Variants in DNAH8 observed in about 807,000 individuals in gnomAD.
DNAH8 encodes dynein axonemal heavy chain 8, also known as axonemal beta dynein heavy chain 8.
A neutral mutation model predicts 562.1 loss-of-function variants in DNAH8; 382 were observed. That is an observed-to-expected ratio of 0.68 (90% confidence interval 0.63 to 0.74). The LOEUF (loss-of-function observed/expected upper bound fraction) is 0.74, where lower values mean the gene tolerates loss of function less well. Ranked by LOEUF, DNAH8 falls within the 30% of genes least tolerant of loss-of-function variation. The pLI, the probability that DNAH8 is intolerant of heterozygous loss-of-function variation, is 0.00. For missense variants in DNAH8, 5,203 were observed against 5,620.4 expected, an observed-to-expected ratio of 0.93 and a Z score of 2.37; for synonymous variants, 1,881 against 1,919.4, an observed-to-expected ratio of 0.98 and a Z score of 0.52.
intron 7 of DNAH8, among the ~76,000 whole-genome samples, chr6:38,740,448 C>T (rs1764433773): frequency 6.6e-6 from 1 of 152,104 alleles, no homozygotes; most frequent in Admixed American, 6.6e-5. Context: ...TATCTTATCA[C>T]TGTTTTTCTT....
chr6:38,946,903 C>G (rs1481803465), intron 80 of DNAH8, among the ~76,000 whole-genome samples: 1 of 152,102 alleles, frequency 6.6e-6, no homozygotes, highest in Non-Finnish European at 1.5e-5. Flanking sequence ...ACTTGAAGCC[C>G]ACGCCCTCTA....
chr6:38,934,024 T>A (rs1239685001), intron 76 of DNAH8, among the ~76,000 whole-genome samples: 1 of 152,136 alleles, frequency 6.6e-6, no homozygotes, highest in Non-Finnish European at 1.5e-5. Flanking sequence ...AAACCGTAGT[T>A]GGAGGGAAAT....
At chr6:38,857,411 G>A (rs1306320786) in intron 41 of DNAH8, 107 bp from the exon 42 acceptor site, 1 of 688,974 alleles carries the variant, frequency 1.5e-6, no homozygotes, top group Non-Finnish European at 2.5e-6. Flanking sequence ...AGAAATGCAA[G>A]TCAATCTCAT....
chr6:38,782,627 C>T (rs189736752), intron 16 of DNAH8, among the ~76,000 whole-genome samples: 2 of 152,100 alleles, frequency 1.3e-5, no homozygotes, highest in Admixed American at 6.5e-5. Context: ...CCTTTTTTTG[C>T]GTGCTGGAAT....
Position 38,786,933 on chromosome 6 carries a change from C to T in DNAH8, c.2564C>T (p.Ala855Val), listed in dbSNP as rs1203413148. Residue 855 changes from alanine (A) to valine (V), a missense_variant, in exon 18 of 93, where the codon GCA becomes GTA. Physicochemically the swap from Ala to Val is moderately conservative, Grantham distance 64 (BLOSUM62 0). This residue lies in a region of DNAH8 where 2,176 missense variants were observed against 2,365.1 expected (regional missense o/e 0.92). Coordinates refer to ENST00000327475, the MANE Select transcript of DNAH8 (RefSeq NM_001206927.2). The part of the protein sequence containing the change: ...RLLKLESKLK[A>V]DKLYLQGLLQ... ...CTAAAATTGGAAAGTAAATTGAAAG[C>T]AGACAAACTGTATTTGCAGGTAAGA... 10 of 1,606,934 alleles carry T rather than the reference C, an allele frequency of 6.2e-6. No homozygotes were observed. Among genetic ancestry groups the T allele is most frequent in the Non-Finnish European group, 8.5e-6 (10 of 1,177,220 alleles).
At chr6:39,003,907 C>T (rs561935610) in intron 88 of DNAH8, among the ~76,000 whole-genome samples, 29 of 152,084 alleles carry the variant, frequency 1.9e-4, no homozygotes, top group Middle Eastern at 6.8e-3. Flanking sequence ...CTTTTTTACG[C>T]CACTCTTTCT....
rs1165179325 is a variant in DNAH8 at position 38,853,300 on chromosome 6, G to A, written c.5686G>A (p.Asp1896Asn). ...IIRSAFYQIS[D>N]SGFQLLPFLS... ...TAGATCCGCTTTCTATCAAATCAGT[G>A]ATTCAGGATTTCAACTCTTACCATT... The change falls in exon 41 of 93, where the codon GAT becomes AAT. Residue 1896 changes from aspartate to asparagine, a missense_variant. This residue lies in a region of DNAH8 where 2,176 missense variants were observed against 2,365.1 expected (regional missense o/e 0.92). Transcript: ENST00000327475. The A allele has an allele frequency of 5.6e-6, 9 of 1,613,398 alleles. No individual in the cohort carries two copies. The highest frequency in any genetic ancestry group is 1.7e-4 in the Middle Eastern group (1 of 6,058).
intron 82 of DNAH8, among the ~76,000 whole-genome samples, chr6:38,965,298 A>G (rs544139353): frequency 4.2e-4 from 64 of 152,206 alleles, no homozygotes; most frequent in Non-Finnish European, 7.2e-4. Context: ...AAAGACTATA[A>G]ATAGCCTCAC....
At chr6:38,913,314 C>T (rs888051846) in intron 66 of DNAH8, among the ~76,000 whole-genome samples, 3 of 152,216 alleles carry the variant, frequency 2.0e-5, no homozygotes, top group Admixed American at 6.5e-5. Context: ...CAACATCCCA[C>T]TACCTAGAAC....
chr6:38,898,183 G>T, intron 60 of DNAH8, 75 bp from the exon 61 acceptor site: 1 of 1,293,750 alleles, frequency 7.7e-7, no homozygotes, highest in Non-Finnish European at 1.1e-6. Flanking sequence ...TTACTTTTGA[G>T]TGTCTTTACA....
At chr6:38,804,689 G>A (rs1192534012) in intron 22 of DNAH8, among the ~76,000 whole-genome samples, 1 of 151,864 alleles carries the variant, frequency 6.6e-6, no homozygotes, top group East Asian at 1.9e-4. Context: ...GGGAATCTGT[G>A]GGAAGCTGGC....
In DNAH8 at chr6:38,729,903, T is replaced by C; in HGVS notation, c.527T>C (p.Leu176Pro). The C allele has an allele frequency of 2.6e-6, 4 of 1,537,268 alleles. No homozygotes were observed. The highest frequency in any genetic ancestry group is 3.6e-6 in the Non-Finnish European group (4 of 1,118,616). ...VEELILDCPS[L>P]EAFTNFFAKD... is the part of the protein sequence containing the mutation. Reference sequence around the variant, plus strand: ...ATCATTTTCTCTTTTATTTAACAGCTGGAAGCATTTACTAATTTTTTTGCG... The same window carrying C: ...ATCATTTTCTCTTTTATTTAACAGCCGGAAGCATTTACTAATTTTTTTGCG... Residue 176 changes from leucine to proline, a missense_variant and splice_region_variant, in exon 4 of 93, where the codon CTG becomes CCG. Leu to Pro is a moderately conservative substitution (Grantham distance 98, BLOSUM62 -3). This residue lies in a region of DNAH8 where 556 missense variants were observed against 496.9 expected (regional missense o/e 1.12). Coordinates refer to ENST00000327475, the MANE Select transcript of DNAH8 (RefSeq NM_001206927.2).
intron 10 of DNAH8, among the ~76,000 whole-genome samples, chr6:38,758,741 G>T (rs144593682): frequency 0.03 from 4,603 of 152,150 alleles, 222 homozygotes; most frequent in African/African-American, 0.1. Flanking sequence ...ATCATGAAGG[G>T]TTGTTGAATT....
At chr6:38,833,838 A>G (rs1452222197) in intron 31 of DNAH8, among the ~76,000 whole-genome samples, 1 of 152,170 alleles carries the variant, frequency 6.6e-6, no homozygotes, top group Non-Finnish European at 1.5e-5. Context: ...TTTAAACACT[A>G]TTATATTGGG....
In DNAH8 at chr6:38,913,944, G is replaced by A; in HGVS notation, c.9955G>A (p.Ala3319Thr). ...EKELAVASIK[A>T]DEVLAEVTVS... ...GGAGTTGGCAGTGGCTTCCATAAAA[G>A]CAGACGAAGTGAGTTTGCATTTATT... The change falls in exon 67 of 93, where the codon GCA becomes ACA. Residue 3319 changes from alanine (A) to threonine (T), a missense_variant. This residue lies in a region of DNAH8 where 977 missense variants were observed against 1,061.8 expected (regional missense o/e 0.92). Transcript: ENST00000327475. 1 of 1,611,104 alleles carries A rather than the reference G, an allele frequency of 6.2e-7. No homozygotes were observed. The highest frequency in any genetic ancestry group is 8.5e-7 in the Non-Finnish European group (1 of 1,177,640).
Position 38,872,723 on chromosome 6 carries a change from A to G in DNAH8, c.7178A>G (p.Asn2393Ser), listed in dbSNP as rs775481465. ...TTTGGCAGACTGGACACTGCTACCA[A>G]TGACTGGACAGATGGGATTTTTTCT... ...QMFGRLDTATNDWTDGIFSTL... is the reference protein window; with the variant it reads ...QMFGRLDTATSDWTDGIFSTL... The change falls in exon 50 of 93, where the codon AAT becomes AGT. Residue 2393 changes from asparagine (N) to serine (S), a missense_variant. This residue lies in a region of DNAH8 where 2,176 missense variants were observed against 2,365.1 expected (regional missense o/e 0.92). Coordinates refer to ENST00000327475, the MANE Select transcript of DNAH8 (RefSeq NM_001206927.2). The G allele has an allele frequency of 3.1e-6, 5 of 1,614,016 alleles. No individual in the cohort carries two copies. Among genetic ancestry groups the G allele is most frequent in the East Asian group, 2.2e-5 (1 of 44,866 alleles).
At chr6:38,792,863 T>G (rs879535192) in intron 21 of DNAH8, among the ~76,000 whole-genome samples, 1 of 151,972 alleles carries the variant, frequency 6.6e-6, no homozygotes, top group Non-Finnish European at 1.5e-5. Flanking sequence ...ACTGGAGCCT[T>G]GACCTCCTGG....
rs533913955 is a variant in DNAH8 at position 38,790,515 on chromosome 6, T to A, written c.2781+110T>A. 512 of 557,728 alleles carry A rather than the reference T, an allele frequency of 9.2e-4. 3 individuals are homozygous for A. The highest frequency in any genetic ancestry group is 1.4e-3 in the Non-Finnish European group (462 of 322,762). 34.5% of individuals were successfully genotyped at this position (557,728 alleles called of 1,614,324 possible). ...GGTATGACTTTTAACTAAAAGGACA[T>A]CCGTTAGGTTTAAAATATCATGTTT... is the stretch of plus-strand genomic sequence containing the variant. On this transcript the variant is annotated intron_variant, in intron 20 of 92. Transcript: ENST00000327475.
At chr6:38,781,423 A>G in intron 16 of DNAH8, 50 bp downstream of exon 16, 1 of 1,585,994 alleles carries the variant, frequency 6.3e-7, no homozygotes, top group Non-Finnish European at 8.6e-7. Context: ...GTTTTAATAT[A>G]ACAAATATAT....
Sources: gnomAD v4.1 joint callset for allele counts (sites outside exome capture counted in the v4.1 genomes callset) on GRCh38, gnomAD v4.1.1 for gene constraint, gnomAD v4.1.1 regional missense constraint, MANE v1.5 for transcripts, NCBI Gene and HGNC (gene_info 2026-07-23, HGNC 2026-07-21) for gene names.